Variants in HOXA3 observed in about 807,000 individuals in gnomAD.
The protein encoded by HOXA3 is homeobox A3.
A neutral mutation model predicts 30.3 loss-of-function variants in HOXA3; 8 were observed. The observed-to-expected ratio is 0.26, with a 90% CI of 0.15 to 0.48. The LOEUF (loss-of-function observed/expected upper bound fraction) is 0.48. HOXA3 is among the 20% of genes least tolerant of loss of function. The pLI, the probability that HOXA3 is intolerant of heterozygous loss-of-function variation, is 0.99. For synonymous variants in HOXA3, 323 were observed against 273.1 expected (o/e 1.18, Z -1.80); for missense variants, 653 against 614.4 (o/e 1.06, Z -0.66).
At chr7:27,141,707 G>T in intron 1 of HOXA3, 5 of 1,187,522 alleles carry the variant, frequency 4.2e-6, no homozygotes, top group Non-Finnish European at 5.9e-6. Flanking sequence ...ATGATTAAAA[G>T]ATGAATTAGG....
intron 1 of HOXA3, among the ~76,000 whole-genome samples, chr7:27,142,544 C>A (rs1782607153): frequency 6.6e-6 from 1 of 152,126 alleles, no homozygotes; most frequent in Non-Finnish European, 1.5e-5. Context: ...CTTTTTCTTC[C>A]CTTTCCTTCT....
In HOXA3 at chr7:27,108,477, G is replaced by C. The variant is rs1397701408; in HGVS notation, c.770C>G (p.Thr257Arg). The C allele has an allele frequency of 1.2e-6, 2 of 1,613,988 alleles. No homozygotes were observed. Among genetic ancestry groups the C allele is most frequent in the East Asian group, 4.5e-5 (2 of 44,880 alleles). ...ACTTGGAGACTGGCCCCCCGATGAC[G>C]TTAGCATGCCCTTGCCCTTCTGATC... ...KKDQKGKGML[T>R]SSGGQSPSRS... is the part of the protein sequence containing the mutation. Residue 257 changes from threonine (T) to arginine (R), a missense_variant, in exon 6 of 6, where the codon ACG becomes AGG. Thr to Arg is a moderately conservative substitution (Grantham distance 71, BLOSUM62 -1). Transcript: ENST00000612286. The surrounding 1 kb of genome is among the most constrained non-coding windows in gnomAD (Gnocchi z 5.0).
rs59078276 is a variant in HOXA3, at chr7:27,107,832, T to TAAA, written c.*80_*82dup. On this transcript the variant is annotated 3_prime_UTR_variant, in exon 6 of 6. Coordinates refer to ENST00000612286, the MANE Select transcript of HOXA3 (RefSeq NM_153631.3). Reference sequence around the variant, plus strand: ...AAGGAAGGAAAGGGCAGGAAGAACCTAAAAAAAAAAAAAAAAAAAAGCAAC... The same window carrying TAAA: ...AAGGAAGGAAAGGGCAGGAAGAACCTAAAAAAAAAAAAAAAAAAAAAAAGCAAC... The TAAA allele has an allele frequency of 9.7e-5, 53 of 545,484 alleles. No individual in the cohort carries two copies. The highest frequency in any genetic ancestry group is 3.6e-4 in the African/African-American group (14 of 38,406). 33.8% of individuals were successfully genotyped at this position (545,484 alleles called of 1,614,324 possible).
chr7:27,129,441 G>A, intron 2 of HOXA3: 1 of 1,614,148 alleles, frequency 6.2e-7, no homozygotes, highest in East Asian at 2.2e-5. Context: ...AGAGCGTGTG[G>A]GCGATCTCGA....
At chr7:27,136,196 G>A (rs78959477) in intron 2 of HOXA3, among the ~76,000 whole-genome samples, 18 of 152,214 alleles carry the variant, frequency 1.2e-4, no homozygotes, top group African/African-American at 2.7e-4. Context: ...ACACAAAGCC[G>A]AGCCTCTTCT....
intron 1 of HOXA3, chr7:27,143,691 T>G: frequency 6.7e-7 from 1 of 1,494,488 alleles, no homozygotes; most frequent in South Asian, 1.4e-5. Context: ...TGATGAATTA[T>G]GGAAATGACT....
In HOXA3 at chr7:27,130,730, T is replaced by C. The variant is rs771607598; in HGVS notation, c.-389-3660A>G. 3.7e-6 allele frequency: 6 copies of C among 1,605,246 alleles called. No individual in the cohort carries two copies. In the South Asian group the frequency reaches 6.7e-5, roughly 18 times the overall value. On this transcript the variant is annotated intron_variant, in intron 2 of 5. Transcript: ENST00000612286. ...GAGTTTATCAAAAACGAGCTCATGGTCATTAATTTGTGAAGTGCAAAAATA... is the reference window on the plus strand; with the variant it reads ...GAGTTTATCAAAAACGAGCTCATGGCCATTAATTTGTGAAGTGCAAAAATA...
At position 27,152,463 on chromosome 7, in the gene HOXA3, G is replaced by A. The variant is rs1393828257; in HGVS notation, c.-669C>T. 9.0e-7 allele frequency: 1 copy of A among 1,109,260 alleles called. No individual in the cohort carries two copies. Among genetic ancestry groups the A allele is most frequent in the South Asian group, 1.9e-5 (1 of 53,750 alleles). 68.7% of individuals were successfully genotyped at this position (1,109,260 alleles called of 1,614,324 possible). On this transcript the variant is annotated 5_prime_UTR_variant, in exon 1 of 6. Transcript: ENST00000612286. ...GGAGCGCGCCCAATCTCCAGCGGGA[G>A]CCGCCAGGCCTGGCCTGGCCGGGGC...
At chr7:27,148,273 C>G (rs1782854652) in intron 1 of HOXA3, among the ~76,000 whole-genome samples, 1 of 152,272 alleles carries the variant, frequency 6.6e-6, no homozygotes, top group South Asian at 2.1e-4. Flanking sequence ...GCCTGCACTC[C>G]AGGCACGGCC....
intron 2 of HOXA3, among the ~76,000 whole-genome samples, chr7:27,131,012 C>T (rs1785539327): frequency 6.6e-6 from 1 of 152,220 alleles, no homozygotes; most frequent in South Asian, 2.1e-4. Flanking sequence ...AGGAAACGCG[C>T]GGGTGCGTGA....
chr7:27,108,719 G>C lies in HOXA3; in HGVS notation c.528C>G (p.Gly176=). ...TKQKTSSSSS[G]ESCAGDKSPP... ...GGCTCTTGTCGCCAGCGCAGCTTTC[G>C]CCTGCGAGGACAGAGAGAGGAAGAG... The change falls in exon 6 of 6, where the codon GGC becomes GGG. Residue 176 remains glycine (G), a splice_region_variant and synonymous_variant. Coordinates refer to ENST00000612286, the MANE Select transcript of HOXA3 (RefSeq NM_153631.3). The surrounding 1 kb of genome is among the most constrained non-coding windows in gnomAD (Gnocchi z 5.0). The C allele has an allele frequency of 6.3e-7, 1 of 1,593,932 alleles. No homozygotes were observed. Among genetic ancestry groups the C allele is most frequent in the Non-Finnish European group, 8.6e-7 (1 of 1,168,070 alleles).
chr7:27,130,423 T>G (rs1281338634), intron 2 of HOXA3: 8 of 1,178,954 alleles, frequency 6.8e-6, no homozygotes, highest in Non-Finnish European at 8.4e-6. Flanking sequence ...GCCGCCGCGG[T>G]AGCCATAGGG....
rs1562712084 is a variant in HOXA3 at position 27,110,671 on chromosome 7, C to CT, written c.-32dup. The CT allele has an allele frequency of 6.3e-7, 1 of 1,592,220 alleles. No homozygotes were observed. The highest frequency in any genetic ancestry group is 8.6e-7 in the Non-Finnish European group (1 of 1,162,676). Reference sequence around the variant, plus strand: ...TGTTTCACGATCTTGATCGCACACTCTGACAGGGGTTTGACACCCGTGAGG... The same window carrying CT: ...TGTTTCACGATCTTGATCGCACACTCTTGACAGGGGTTTGACACCCGTGAGG... On this transcript the variant is annotated 5_prime_UTR_variant, in exon 5 of 6. Transcript: ENST00000612286.
At chr7:27,130,921 C>G in intron 2 of HOXA3, 1 of 638,150 alleles carries the variant, frequency 1.6e-6, no homozygotes, top group African/African-American at 1.8e-5. Flanking sequence ...GCCGCTCCTC[C>G]CCAGCCCAGC....
chr7:27,142,783 C>T (rs1280573423), intron 1 of HOXA3: 1 of 443,712 alleles, frequency 2.3e-6, no homozygotes. Context: ...GCGTGGGGTT[C>T]CAGAGGGGTT....
intron 5 of HOXA3, 159 bp downstream of exon 5, chr7:27,109,956 G>A (rs1299570998): frequency 1.2e-6 from 1 of 841,878 alleles, no homozygotes. Flanking sequence ...ACCTCCCTAA[G>A]TTGCAAAGAC....
chr7:27,119,163 A>G lies in HOXA3; in HGVS notation c.-121+3396T>C, dbSNP rs1468410873. On this transcript the variant is annotated intron_variant, in intron 4 of 5. Transcript: ENST00000612286. ...CTGCAAGAGACCCCCCCCCCCAAAAAAAATAAGAAAAAAAAGAAAAAGAAT... is the reference window on the plus strand; with the variant it reads ...CTGCAAGAGACCCCCCCCCCCAAAAGAAATAAGAAAAAAAAGAAAAAGAAT... Among the ~76,000 whole-genome samples, 8 of 137,994 alleles carry G rather than the reference A, an allele frequency of 5.8e-5. No individual in the cohort carries two copies. The South Asian group carries it at 2.0e-3, about 34-fold the overall frequency. 90.5% of individuals were successfully genotyped at this position (137,994 alleles called of 152,430 possible).
rs1307689058 is a variant in HOXA3, at chr7:27,113,871, C to CCCCACCCA, written c.-120-3119_-120-3112dup. 6.7e-6 allele frequency: 1 copy of CCCCACCCA among 150,322 alleles called. No homozygotes were observed. The highest frequency in any genetic ancestry group is 1.5e-5 in the Non-Finnish European group (1 of 67,082). 9.3% of individuals were successfully genotyped at this position (150,322 alleles called of 1,614,324 possible). On this transcript the variant is annotated intron_variant, in intron 4 of 5. Coordinates refer to ENST00000612286, the MANE Select transcript of HOXA3 (RefSeq NM_153631.3). This position sits in a 1 kb window ranked among gnomAD's most constrained non-coding sequence, Gnocchi z 4.8. ...GCGGCTTGGACCCCCCTCCCACCCA[C>CCCCACCCA]CCCACCCACCCACCCCTCCCCCACA...
intron 1 of HOXA3, among the ~76,000 whole-genome samples, chr7:27,147,939 A>G (rs1289575296): frequency 2.0e-5 from 3 of 152,230 alleles, no homozygotes. Flanking sequence ...GACCGCGGCG[A>G]CCGAGGCAGC....
Sources: allele counts gnomAD v4.1 joint callset (sites outside exome capture counted in the v4.1 genomes callset), GRCh38; gene constraint gnomAD v4.1.1; non-coding constraint Gnocchi (gnomAD v3.1); transcripts MANE v1.5; gene names NCBI Gene and HGNC (gene_info 2026-07-23, HGNC 2026-07-21).